NIT2: variants seen among roughly 807,000 people sequenced by gnomAD.
NIT2 encodes nitrilase family member 2.
In NIT2, 46 loss-of-function variants were observed where a neutral mutation model predicts 42.7. The observed-to-expected ratio is 1.08, with a 90% CI of 0.85 to 1.38. The LOEUF (loss-of-function observed/expected upper bound fraction) is 1.38, where lower values mean the gene tolerates loss of function less well. NIT2 is among the 40% of genes most tolerant of loss of function. The pLI, the probability that NIT2 is intolerant of heterozygous loss-of-function variation, is 0.00. For missense variants in NIT2, 309 were observed against 342.5 expected, an observed-to-expected ratio of 0.90 and a Z score of 0.77; for synonymous variants, 123 against 121.9, an observed-to-expected ratio of 1.01 and a Z score of -0.06.
chr3:100,355,524 A>G lies in NIT2; in HGVS notation c.*256A>G, dbSNP rs958224169. On this transcript the variant is annotated 3_prime_UTR_variant, in exon 10 of 10. Coordinates refer to ENST00000394140, the MANE Select transcript of NIT2 (RefSeq NM_020202.5). ...TTCTTCCATACTTAAGTTGCCTCCA[A>G]GCAGTTTGTGAAAGTATCAGATCTT... 3 of 384,638 alleles carry G rather than the reference A, an allele frequency of 7.8e-6. No individual in the cohort carries two copies. The highest frequency in any genetic ancestry group is 1.4e-5 in the Non-Finnish European group (3 of 215,994). The allele number at this position is 384,638 out of a possible 1,614,324, so 23.8% of individuals were successfully genotyped here.
chr3:100,338,605 C>T (rs980636429), intron 1 of NIT2, among the ~76,000 whole-genome samples: 2 of 152,188 alleles, frequency 1.3e-5, no homozygotes, highest in Non-Finnish European at 2.9e-5. Flanking sequence ...ATCACACTTT[C>T]TGTGCTGGGA....
rs1470031865 is a variant in NIT2 at position 100,358,822 on chromosome 3, T to C, written c.*3554T>C. The C allele has an allele frequency of 6.6e-6, 1 of 152,240 alleles. No individual in the cohort carries two copies. Among genetic ancestry groups the C allele is most frequent in the Non-Finnish European group, 1.5e-5 (1 of 68,050 alleles). The allele number at this position is 152,240 out of a possible 1,614,324, so 9.4% of individuals were successfully genotyped here. On this transcript the variant is annotated 3_prime_UTR_variant, in exon 10 of 10. Transcript: ENST00000394140. ...AGAGTTTAGGTTTCAAGATAAATGT[T>C]CTGCTCTATTGGCACTGGTTTTAAG... is the stretch of plus-strand genomic sequence containing the variant.
rs1195462554 is a variant in NIT2, at chr3:100,359,551, G to A, written c.*4283G>A. ...GCAGATTACTAAAGACCGATTTGTAGACCTGTCCATGTGGCCTCTCTCAAC... is the reference window on the plus strand; with the variant it reads ...GCAGATTACTAAAGACCGATTTGTAAACCTGTCCATGTGGCCTCTCTCAAC... On this transcript the variant is annotated 3_prime_UTR_variant, in exon 10 of 10. Transcript: ENST00000394140. 6.6e-6 allele frequency: 1 copy of A among 152,026 alleles called. No individual in the cohort carries two copies. The highest frequency in any genetic ancestry group is 2.4e-5 in the African/African-American group (1 of 41,296). 9.4% of individuals were successfully genotyped at this position (152,026 alleles called of 1,614,324 possible). A position where few individuals can be genotyped will look rare whatever the true frequency, so the allele number is the denominator to read the frequency against.
At chr3:100,351,713 T>G (rs553292378) in intron 7 of NIT2, among the ~76,000 whole-genome samples, 4 of 152,254 alleles carry the variant, frequency 2.6e-5, no homozygotes, top group South Asian at 2.1e-4. Context: ...ACTTCATGTC[T>G]AAAACACCAA....
In NIT2 at chr3:100,355,177, A is replaced by T. The variant is rs544054884; in HGVS notation, c.740A>T (p.Asp247Val). 1 of 1,613,618 alleles carries T rather than the reference A, an allele frequency of 6.2e-7. No homozygotes were observed. Among genetic ancestry groups the T allele is most frequent in the Admixed American group, 1.7e-5 (1 of 59,968 alleles). ...TAGTGCACTTTCCTGTTTTTTGCAG[A>T]CCTGAAGAAGCTGGCTGAAATACGC... ...TEEAIVYSDI[D>V]LKKLAEIRQQ... Residue 247 changes from aspartate (D) to valine (V), a missense_variant and splice_region_variant, in exon 10 of 10, where the codon GAC becomes GTC. Coordinates refer to ENST00000394140, the MANE Select transcript of NIT2 (RefSeq NM_020202.5).
At position 100,344,667 on chromosome 3, in the gene NIT2, A is replaced by G. The variant is rs57403877; in HGVS notation, c.337-918A>G. Reference sequence around the variant, plus strand: ...CTGTTTTTGTTTTTGTTTTTTTGAGATGGAGTCTTGCTCTGTCGCTTAGGC... The same window carrying G: ...CTGTTTTTGTTTTTGTTTTTTTGAGGTGGAGTCTTGCTCTGTCGCTTAGGC... On this transcript the variant is annotated intron_variant, in intron 4 of 9. Coordinates refer to ENST00000394140, the MANE Select transcript of NIT2 (RefSeq NM_020202.5). Among the ~76,000 whole-genome samples, 44 of 151,748 alleles carry G rather than the reference A, an allele frequency of 2.9e-4. No individual in the cohort carries two copies. In the East Asian group the frequency reaches 7.3e-3, roughly 25 times the overall value.
intron 7 of NIT2, among the ~76,000 whole-genome samples, chr3:100,350,939 G>A (rs563495208): frequency 5.3e-4 from 80 of 151,650 alleles, no homozygotes; most frequent in African/African-American, 1.7e-3. Context: ...TCCCACCTAT[G>A]AGTGAGAATA....
chr3:100,343,021 CT>C (rs1235076377), intron 4 of NIT2, among the ~76,000 whole-genome samples: 23 of 147,132 alleles, frequency 1.6e-4, no homozygotes, highest in Admixed American at 1.4e-3. Flanking sequence ...GATAGTTTTC[CT>C]TTTTTTCCAC....
At chr3:100,351,911 A>G (rs576836224) in intron 7 of NIT2, among the ~76,000 whole-genome samples, 1 of 152,140 alleles carries the variant, frequency 6.6e-6, no homozygotes, top group African/African-American at 2.4e-5. Context: ...CAAATTTACA[A>G]GAAAAAAACA....
chr3:100,338,278 A>G (rs1706102045), intron 1 of NIT2, among the ~76,000 whole-genome samples: 1 of 152,220 alleles, frequency 6.6e-6, no homozygotes, highest in Non-Finnish European at 1.5e-5. Context: ...TCCCTTGTTC[A>G]GATAGCAAGA....
chr3:100,345,700 C>G (rs559523837), intron 5 of NIT2, 22 bp downstream of exon 5: 1 of 1,474,060 alleles, frequency 6.8e-7, no homozygotes, highest in Non-Finnish European at 9.5e-7. Context: ...ATAAGTTTGC[C>G]TCTTTAGCAA....
chr3:100,341,325 A>G (rs1481685126), intron 4 of NIT2, among the ~76,000 whole-genome samples, 164 bp downstream of exon 4: 1 of 152,146 alleles, frequency 6.6e-6, no homozygotes, highest in African/African-American at 2.4e-5. Flanking sequence ...TTGCATTTTT[A>G]TATAAGTTTT....
In NIT2 at chr3:100,355,361, T is replaced by A; in HGVS notation, c.*93T>A. 1.1e-6 allele frequency: 1 copy of A among 943,638 alleles called. No individual in the cohort carries two copies. Among genetic ancestry groups the A allele is most frequent in the South Asian group, 1.6e-5 (1 of 62,970 alleles). 58.5% of individuals were successfully genotyped at this position (943,638 alleles called of 1,614,324 possible). A position where few individuals can be genotyped will look rare whatever the true frequency, so the allele number is the denominator to read the frequency against. ...AATTCTTTAATGAAGATTTTTTTTT[T>A]AATTCGGCCTTGTCCTTCCTAGGTT... On this transcript the variant is annotated 3_prime_UTR_variant, in exon 10 of 10. Coordinates refer to ENST00000394140, the MANE Select transcript of NIT2 (RefSeq NM_020202.5).
Position 100,358,700 on chromosome 3 carries a change from A to G in NIT2, c.*3432A>G, listed in dbSNP as rs558871904. On this transcript the variant is annotated 3_prime_UTR_variant, in exon 10 of 10. Transcript: ENST00000394140. ...ATGGGGTTTTAAATGACCAAGGAGT[A>G]GATTGTGACATCGACTGGGTATTTA... 17 of 152,362 alleles carry G rather than the reference A, an allele frequency of 1.1e-4. No individual in the cohort carries two copies. The highest frequency in any genetic ancestry group is 3.6e-4 in the African/African-American group (15 of 41,590). 9.4% of individuals were successfully genotyped at this position (152,362 alleles called of 1,614,324 possible).
intron 7 of NIT2, among the ~76,000 whole-genome samples, chr3:100,350,830 A>G (rs1450643658): frequency 6.6e-6 from 1 of 152,048 alleles, no homozygotes. Flanking sequence ...AGCATTAGGT[A>G]TATCTCCTAA....
chr3:100,340,012 T>G (rs1342508341), intron 3 of NIT2, 77 bp downstream of exon 3: 1 of 1,233,314 alleles, frequency 8.1e-7, no homozygotes, highest in African/African-American at 1.5e-5. Context: ...GGCGTGCGCC[T>G]GTATTCCCTA....
intron 4 of NIT2, among the ~76,000 whole-genome samples, chr3:100,341,511 G>A (rs898671813): frequency 2.0e-5 from 3 of 151,878 alleles, no homozygotes; most frequent in Non-Finnish European, 4.4e-5. Context: ...TGGGACTACA[G>A]GTGCCCACCA....
rs751998800 is a variant in NIT2, at chr3:100,354,761, A to C, written c.684-11A>C. On this transcript the variant is annotated splice_polypyrimidine_tract_variant and intron_variant, in intron 8 of 9. Transcript: ENST00000394140. Reference sequence around the variant, plus strand: ...AGTGAATCCACTCATTCTCTTCTGCATCTTTTTCAGGGGGGAGGTTCTAGC... The same window carrying C: ...AGTGAATCCACTCATTCTCTTCTGCCTCTTTTTCAGGGGGGAGGTTCTAGC... 1 of 1,605,846 alleles carries C rather than the reference A, an allele frequency of 6.2e-7. No homozygotes were observed. The highest frequency in any genetic ancestry group is 1.7e-4 in the Middle Eastern group (1 of 6,044).
chr3:100,355,251 G>C lies in NIT2; in HGVS notation c.814G>C (p.Glu272Gln). 1 of 1,613,752 alleles carries C rather than the reference G, an allele frequency of 6.2e-7. No homozygotes were observed. The highest frequency in any genetic ancestry group is 8.5e-7 in the Non-Finnish European group (1 of 1,179,726). ...RQKRSDLYAV[E>Q]MKKP is the part of the protein sequence containing the mutation. ...GAAGCGATCAGACCTCTATGCTGTGGAGATGAAAAAGCCCTAAAGTTTATG... is the reference window on the plus strand; with the variant it reads ...GAAGCGATCAGACCTCTATGCTGTGCAGATGAAAAAGCCCTAAAGTTTATG... Residue 272 changes from glutamate to glutamine, a missense_variant, in exon 10 of 10, where the codon GAG (glutamate) becomes CAG (glutamine). Coordinates refer to ENST00000394140, the MANE Select transcript of NIT2 (RefSeq NM_020202.5).
Sources: gnomAD v4.1 joint callset for allele counts (sites outside exome capture counted in the v4.1 genomes callset) on GRCh38, gnomAD v4.1.1 for gene constraint, MANE v1.5 for transcripts, NCBI Gene and HGNC (gene_info 2026-07-23, HGNC 2026-07-21) for gene names.